The following RUFY1 variants were observed in gnomAD, a reference collection of about 807,000 sequenced individuals.
The protein encoded by RUFY1 is RUN and FYVE domain containing 1, also known as RUN and FYVE domain-containing protein 1.
A neutral mutation model predicts 94.6 loss-of-function variants in RUFY1; 54 were observed. The observed-to-expected ratio is 0.57, with a 90% CI of 0.46 to 0.72. The LOEUF is 0.72. RUFY1 is among the 30% of genes least tolerant of loss of function. The pLI is 0.00. For missense variants in RUFY1, 883 were observed against 883.9 expected (o/e 1.00, Z 0.01); for synonymous variants, 396 against 347.3 (o/e 1.14, Z -1.56).
At position 179,559,853 on chromosome 5, in the gene RUFY1, C is replaced by T. The variant is rs910421045; in HGVS notation, c.311-172C>T. 4 of 1,403,760 alleles carry T rather than the reference C, an allele frequency of 2.8e-6. No homozygotes were observed. The East Asian group carries it at 7.9e-5, about 28-fold the overall frequency. The allele number at this position is 1,403,760 out of a possible 1,614,324, so 87.0% of individuals were successfully genotyped here. A position where few individuals can be genotyped will look rare whatever the true frequency, so the allele number is the denominator to read the frequency against. The stretch of plus-strand genomic sequence containing the variant: ...CCGTCCAGGTAGGGGGCTGTGGCCT[C>T]TAGGGATCAGGGACTACTTACCTGC... On this transcript the variant is annotated intron_variant, in intron 1 of 17. Transcript: ENST00000319449.
At chr5:179,594,534 G>A (rs961948858) in intron 11 of RUFY1, among the ~76,000 whole-genome samples, 1 of 147,362 alleles carries the variant, frequency 6.8e-6, no homozygotes, top group African/African-American at 2.5e-5. Context: ...GGCCAAGGCA[G>A]GCGGATCACG....
At chr5:179,563,870 C>T (rs1327667488) in intron 3 of RUFY1, among the ~76,000 whole-genome samples, 1 of 152,026 alleles carries the variant, frequency 6.6e-6, no homozygotes, top group Non-Finnish European at 1.5e-5. Context: ...CAGGGTGTTG[C>T]CATGTTGGCC....
At chr5:179,579,820 C>T (rs891896874) in intron 6 of RUFY1, among the ~76,000 whole-genome samples, 15 of 151,626 alleles carry the variant, frequency 9.9e-5, no homozygotes, top group South Asian at 6.2e-4. Context: ...CATGCCACCA[C>T]GCCCAGCTAA....
chr5:179,595,278 G>C (rs1005227923), intron 12 of RUFY1, among the ~76,000 whole-genome samples: 16 of 152,264 alleles, frequency 1.1e-4, no homozygotes, highest in African/African-American at 3.8e-4. Flanking sequence ...AGGAGATCGA[G>C]ACCATCCCGG....
At chr5:179,555,467 T>C (rs1011908569) in intron 1 of RUFY1, among the ~76,000 whole-genome samples, 1 of 151,982 alleles carries the variant, frequency 6.6e-6, no homozygotes, top group African/African-American at 2.4e-5. Flanking sequence ...CTAACTTGAG[T>C]GCTAATGGGT....
intron 1 of RUFY1, chr5:179,559,718 A>G (rs1755817826): frequency 3.7e-6 from 4 of 1,074,996 alleles, no homozygotes; most frequent in Middle Eastern, 4.2e-4. Flanking sequence ...TTGCGGGAGA[A>G]GCCAAACGCG....
chr5:179,575,230 A>G (rs1383761768), intron 5 of RUFY1, among the ~76,000 whole-genome samples: 1 of 152,124 alleles, frequency 6.6e-6, no homozygotes, highest in Non-Finnish European at 1.5e-5. Flanking sequence ...CAATCACTGT[A>G]TCTTTCACAG....
intron 12 of RUFY1, chr5:179,596,336 T>C: frequency 1.6e-6 from 1 of 627,128 alleles, no homozygotes; most frequent in Non-Finnish European, 2.8e-6. Context: ...CAAAGCCATA[T>C]TGTTGCAGGA....
intron 6 of RUFY1, among the ~76,000 whole-genome samples, chr5:179,578,603 A>G (rs1385725201): frequency 1.3e-5 from 2 of 151,978 alleles, no homozygotes; most frequent in African/African-American, 2.4e-5. Context: ...CAAGGGAAAA[A>G]AACAATGTAT....
At chr5:179,569,062 A>G (rs904005506) in intron 4 of RUFY1, 143 of 985,182 alleles carry the variant, frequency 1.5e-4, no homozygotes, top group Non-Finnish European at 1.7e-4. Flanking sequence ...CAGGGTCTGC[A>G]TGGAGGAGTT....
intron 1 of RUFY1, among the ~76,000 whole-genome samples, chr5:179,558,903 A>G (rs1483613230): frequency 6.6e-6 from 1 of 152,260 alleles, no homozygotes; most frequent in East Asian, 1.9e-4. Flanking sequence ...AAGGATTAGT[A>G]TCCAAAATAT....
At chr5:179,593,803 C>T (rs1337182721) in intron 11 of RUFY1, among the ~76,000 whole-genome samples, 158 bp downstream of exon 11, 2 of 152,080 alleles carry the variant, frequency 1.3e-5, no homozygotes, top group Non-Finnish European at 2.9e-5. Flanking sequence ...TCATGGCAGT[C>T]CCTGAGAAAT....
chr5:179,579,372 C>T (rs1763904370), intron 6 of RUFY1, among the ~76,000 whole-genome samples: 1 of 152,088 alleles, frequency 6.6e-6, no homozygotes, highest in African/African-American at 2.4e-5. Flanking sequence ...CTCTTATTGC[C>T]CAGGCTGGAG....
In RUFY1 at chr5:179,550,821, G is replaced by T; in HGVS notation, c.252G>T (p.Ala84=). The T allele has an allele frequency of 7.9e-7, 1 of 1,259,522 alleles. No individual in the cohort carries two copies. The highest frequency in any genetic ancestry group is 9.9e-7 in the Non-Finnish European group (1 of 1,006,512). The allele number at this position is 1,259,522 out of a possible 1,614,324, so 78.0% of individuals were successfully genotyped here. Residue 84 remains alanine, a synonymous_variant, in exon 1 of 18, where the codon GCG becomes GCT. Coordinates refer to ENST00000319449, the MANE Select transcript of RUFY1 (RefSeq NM_025158.5). The stretch of plus-strand genomic sequence containing the variant: ...ACCTGTCGGCGAGCTGCGGGAGCGC[G>T]CTGCGCGCGGCCGCGGGGCTGGGCG... The part of the protein sequence containing the change: ...TGNLSASCGS[A]LRAAAGLGGG...
intron 10 of RUFY1, among the ~76,000 whole-genome samples, chr5:179,592,036 C>T (rs1765160746): frequency 6.6e-6 from 1 of 152,174 alleles, no homozygotes; most frequent in Admixed American, 6.5e-5. Flanking sequence ...AACTCTGCCT[C>T]CTGGGTTCAA....
At position 179,606,372 on chromosome 5, in the gene RUFY1, G is replaced by A. The variant is rs983087884; in HGVS notation, c.1905+448G>A. The A allele has an allele frequency of 5.0e-5, 9 of 179,714 alleles. 1 individual carries two copies. The South Asian group carries it at 1.1e-3, about 21-fold the overall frequency. The allele number at this position is 179,714 out of a possible 1,614,324, so 11.1% of individuals were successfully genotyped here. A position where few individuals can be genotyped will look rare whatever the true frequency, so the allele number is the denominator to read the frequency against. On this transcript the variant is annotated intron_variant, in intron 16 of 17. Coordinates refer to ENST00000319449, the MANE Select transcript of RUFY1 (RefSeq NM_025158.5). ...GGGCCAGGTTTCCGCACCCTGGTGGGGAGGGCAGAATGACACATTCCACCG... is the reference window on the plus strand; with the variant it reads ...GGGCCAGGTTTCCGCACCCTGGTGGAGAGGGCAGAATGACACATTCCACCG...
chr5:179,550,749 G>C lies in RUFY1; in HGVS notation c.180G>C (p.Glu60Asp), dbSNP rs749157834. Residue 60 changes from glutamate (E) to aspartate (D), a missense_variant, in exon 1 of 18, where the codon GAG becomes GAC. By Grantham distance (45) the Glu-to-Asp change is conservative. Coordinates refer to ENST00000319449, the MANE Select transcript of RUFY1 (RefSeq NM_025158.5). ...LRSATRPRAA[E>D]GWSAPILTLA... ...GCGCAACGAGGCCGCGGGCGGCCGA[G>C]GGCTGGTCGGCGCCCATCCTGACCC... 4 of 1,450,718 alleles carry C rather than the reference G, an allele frequency of 2.8e-6. No individual in the cohort carries two copies. The highest frequency in any genetic ancestry group is 1.5e-5 in the African/African-American group (1 of 67,764). 89.9% of individuals were successfully genotyped at this position (1,450,718 alleles called of 1,614,324 possible). A position where few individuals can be genotyped will look rare whatever the true frequency, so the allele number is the denominator to read the frequency against.
chr5:179,555,515 A>G, intron 1 of RUFY1: 2 of 283,864 alleles, frequency 7.0e-6, no homozygotes, highest in South Asian at 2.7e-5. Flanking sequence ...TGAGATGGCA[A>G]AACACTGCCA....
intron 7 of RUFY1, among the ~76,000 whole-genome samples, chr5:179,584,776 A>AT (rs1195931101): frequency 7.2e-6 from 1 of 138,030 alleles, no homozygotes; most frequent in African/African-American, 2.7e-5. Context: ...ACAAAAAAAA[A>AT]CAAAAAAAAG....
Sources: gnomAD v4.1 joint callset for allele counts (sites outside exome capture counted in the v4.1 genomes callset) on GRCh38, gnomAD v4.1.1 for gene constraint, MANE v1.5 for transcripts, NCBI Gene and HGNC (gene_info 2026-07-23, HGNC 2026-07-21) for gene names.